The following FGD4 variants were observed in gnomAD, a reference collection of about 807,000 sequenced individuals.
The protein encoded by FGD4 is FYVE, RhoGEF and PH domain containing 4, also known as FYVE, RhoGEF and PH domain-containing protein 4.
A neutral mutation model predicts 102.0 loss-of-function variants in FGD4; 42 were observed. That is an observed-to-expected ratio of 0.41 (90% CI 0.32 to 0.53). FGD4 has a LOEUF of 0.53. FGD4 is among the 20% of genes least tolerant of loss of function. The pLI is 0.21. For synonymous variants in FGD4, 380 were observed against 375.7 expected (o/e 1.01, Z -0.13); for missense variants, 902 against 1,078.2 (o/e 0.84, Z 2.29).
intron 1 of FGD4, among the ~76,000 whole-genome samples, chr12:32,561,131 C>T (rs1194909627): frequency 8.7e-6 from 1 of 115,436 alleles, no homozygotes; most frequent in Non-Finnish European, 1.6e-5. Flanking sequence ...GTTGCCCAGG[C>T]TGGAGTGCAA....
rs1317072702 is a variant in FGD4 at position 32,602,290 on chromosome 12, G to A, written c.1377G>A (p.Gln459=). 6.2e-7 allele frequency: 1 copy of A among 1,614,118 alleles called. No homozygotes were observed. Among genetic ancestry groups the A allele is most frequent in the Non-Finnish European group, 8.5e-7 (1 of 1,180,008 alleles). The change falls in exon 7 of 17, where the codon CAG becomes CAA. Residue 459 remains glutamine, a synonymous_variant. Coordinates refer to ENST00000534526, the MANE Select transcript of FGD4 (RefSeq NM_001370298.3). ...AAAACATGACAGAACGTATTCCCCA[G>A]TTCAAATCAGTGGTTGAAGAAATTC... ...LVKNMTERIP[Q]FKSVVEEIQK...
At chr12:32,564,025 G>A in intron 1 of FGD4, 112 bp from the exon 2 acceptor site, 2 of 955,530 alleles carry the variant, frequency 2.1e-6, no homozygotes, top group Non-Finnish European at 3.0e-6. Context: ...GGGAGAGGGA[G>A]AGGGAGGGGG....
At position 32,467,799 on chromosome 12, in the gene FGD4, T is replaced by C. The variant is rs181959233; in HGVS notation, c.166+67840T>C. 2.1e-3 allele frequency among the ~76,000 whole-genome samples: 318 copies of C among 152,292 alleles called. 1 individual carries two copies. The highest frequency in any genetic ancestry group is 7.0e-3 in the African/African-American group (293 of 41,566). ...GGGAGGCCAAGGCGGGCAGATCACC[T>C]GAGGTCAAGAGTTTGAGACCAGCCT... On this transcript the variant is annotated intron_variant, in intron 1 of 16. Coordinates refer to ENST00000534526, the MANE Select transcript of FGD4 (RefSeq NM_001370298.3).
At position 32,644,390 on chromosome 12, in the gene FGD4, G is replaced by C. The variant is rs1951306365; in HGVS notation, c.*3857G>C. The C allele has an allele frequency of 2.0e-5, 3 of 152,074 alleles. No individual in the cohort carries two copies. 9.4% of individuals were successfully genotyped at this position (152,074 alleles called of 1,614,324 possible). On this transcript the variant is annotated 3_prime_UTR_variant, in exon 17 of 17. Transcript: ENST00000534526. ...TAGGTCAACTTAAAAAACCCTTTCT[G>C]TGAATTTATACATGTATGTATATAT... is the stretch of plus-strand genomic sequence containing the variant.
intron 4 of FGD4, among the ~76,000 whole-genome samples, chr12:32,595,254 T>C (rs1947804728): frequency 6.6e-6 from 1 of 152,186 alleles, no homozygotes; most frequent in Admixed American, 6.5e-5. Context: ...TTTTTCCTTA[T>C]AAGTAGTAAT....
intron 1 of FGD4, among the ~76,000 whole-genome samples, chr12:32,408,103 G>T (rs1005895374): frequency 1.3e-5 from 2 of 151,066 alleles, no homozygotes; most frequent in Non-Finnish European, 2.9e-5. Context: ...AGGTTCAAAC[G>T]ATTCCCCTGC....
chr12:32,428,721 C>A (rs1941937020), intron 1 of FGD4, among the ~76,000 whole-genome samples: 1 of 152,124 alleles, frequency 6.6e-6, no homozygotes, highest in Non-Finnish European at 1.5e-5. Context: ...TAGCTTTGGT[C>A]TTTTTAATAG....
chr12:32,418,371 C>G (rs1941503183), intron 1 of FGD4, among the ~76,000 whole-genome samples: 2 of 152,104 alleles, frequency 1.3e-5, no homozygotes, highest in South Asian at 4.1e-4. Context: ...TCTTCACTGT[C>G]TGGGTTTGTG....
intron 1 of FGD4, among the ~76,000 whole-genome samples, chr12:32,552,499 C>G (rs1054199517): frequency 7.1e-6 from 1 of 139,938 alleles, no homozygotes; most frequent in African/African-American, 2.6e-5. Flanking sequence ...CTAGGCTTCT[C>G]TCGAACTCCT....
intron 1 of FGD4, among the ~76,000 whole-genome samples, chr12:32,475,409 C>T (rs1943559383): frequency 6.6e-6 from 1 of 152,138 alleles, no homozygotes; most frequent in African/African-American, 2.4e-5. Flanking sequence ...CCTTGGATGC[C>T]TTTGTATCAG....
chr12:32,465,682 CAAAG>C (rs1015983481), intron 1 of FGD4, among the ~76,000 whole-genome samples: 2 of 151,520 alleles, frequency 1.3e-5, no homozygotes, highest in African/African-American at 2.4e-5. Flanking sequence ...AAAAAAAAAT[CAAAG>C]AAAGACCCTC....
At chr12:32,615,055 C>T (rs930850059) in intron 10 of FGD4, among the ~76,000 whole-genome samples, 3 of 151,952 alleles carry the variant, frequency 2.0e-5, no homozygotes, top group Non-Finnish European at 4.4e-5. Flanking sequence ...TCATAATAGC[C>T]AAAAAATTTG....
chr12:32,550,664 CTG>C (rs1943577176), intron 1 of FGD4, among the ~76,000 whole-genome samples: 1 of 91,882 alleles, frequency 1.1e-5, no homozygotes, highest in Non-Finnish European at 1.9e-5. Context: ...GAGCAAGACA[CTG>C]TCTCAAAAAA....
Position 32,399,803 on chromosome 12 carries a change from G to T in FGD4, c.10G>T (p.Glu4Ter), listed in dbSNP as rs559030391. The T allele has an allele frequency of 5.2e-6, 8 of 1,530,812 alleles. No homozygotes were observed. Among genetic ancestry groups the T allele is most frequent in the Non-Finnish European group, 7.0e-6 (8 of 1,145,254 alleles). 94.8% of individuals were successfully genotyped at this position (1,530,812 alleles called of 1,614,324 possible). A position where few individuals can be genotyped will look rare whatever the true frequency, so the allele number is the denominator to read the frequency against. The part of the protein sequence containing the change: MSD[E>*]GGSNFRRVAI... ...GGTCGAGCCCGGCAGGATGAGCGAC[G>T]AGGGCGGCTCCAACTTCAGGCGGGT... is the stretch of plus-strand genomic sequence containing the variant. Residue 4 changes from glutamate to a stop codon, truncating the protein, a stop_gained, in exon 1 of 17, where the codon GAG becomes TAG. Transcript: ENST00000534526. LOFTEE classifies it high-confidence loss of function.
Position 32,633,591 on chromosome 12 carries a change from T to A in FGD4, c.2215T>A (p.Tyr739Asn). 1 of 1,613,990 alleles carries A rather than the reference T, an allele frequency of 6.2e-7. No homozygotes were observed. The highest frequency in any genetic ancestry group is 8.5e-7 in the Non-Finnish European group (1 of 1,179,920). The change falls in exon 15 of 17, where the codon TAT (tyrosine) becomes AAT (asparagine). Residue 739 changes from tyrosine to asparagine, a missense_variant. Physicochemically the swap from Tyr to Asn is moderately radical, Grantham distance 143. Around this residue, in one of 2 missense-constraint regions of FGD4, gnomAD observed 459 missense variants for 619.0 expected, o/e 0.74. Coordinates refer to ENST00000534526, the MANE Select transcript of FGD4 (RefSeq NM_001370298.3). The stretch of plus-strand genomic sequence containing the variant: ...CTCCGACTACAAAGCTCAACTTGAA[T>A]ATGATGGTGGTAAATTGAGCAAAGT... ...KCSDYKAQLE[Y>N]DGGKLSKVCK...
chr12:32,429,509 G>A (rs571948876), intron 1 of FGD4, among the ~76,000 whole-genome samples: 1 of 152,376 alleles, frequency 6.6e-6, no homozygotes, highest in African/African-American at 2.4e-5. Context: ...GGGGGTAAGG[G>A]ACCCATTTGA....
chr12:32,559,889 C>G (rs540843904), intron 1 of FGD4, among the ~76,000 whole-genome samples: 62 of 152,284 alleles, frequency 4.1e-4, no homozygotes, highest in African/African-American at 1.4e-3. Context: ...TAACTGCCCC[C>G]TTTGTGTAGT....
At chr12:32,607,006 T>A (rs1948823564) in intron 7 of FGD4, among the ~76,000 whole-genome samples, 1 of 152,244 alleles carries the variant, frequency 6.6e-6, no homozygotes, top group South Asian at 2.1e-4. Flanking sequence ...TATCATAGCC[T>A]TATTATCAAA....
intron 1 of FGD4, among the ~76,000 whole-genome samples, chr12:32,491,145 A>AAC (rs1338992748): frequency 6.6e-6 from 1 of 150,908 alleles, no homozygotes; most frequent in African/African-American, 2.4e-5. Flanking sequence ...AAAAAAAAAA[A>AAC]AAAAACAAAA....
Sources: allele counts gnomAD v4.1 joint callset (sites outside exome capture counted in the v4.1 genomes callset), GRCh38; gene constraint gnomAD v4.1.1; regional missense constraint gnomAD v4.1.1; transcripts MANE v1.5; gene names NCBI Gene and HGNC (gene_info 2026-07-23, HGNC 2026-07-21).